SNTG1: variants seen among roughly 807,000 people sequenced by gnomAD.
SNTG1 encodes the protein syntrophin gamma 1, also known as gamma-1-syntrophin.
A neutral mutation model predicts 74.7 loss-of-function variants in SNTG1; 39 were observed. The observed-to-expected ratio is 0.52, with a 90% CI of 0.40 to 0.68. The LOEUF (loss-of-function observed/expected upper bound fraction) is 0.68, where lower values mean the gene tolerates loss of function less well. Among genes scored for constraint, SNTG1 ranks in the 30% least tolerant of loss-of-function variants. The pLI, the probability that SNTG1 is intolerant of heterozygous loss-of-function variation, is 0.00. For missense variants in SNTG1, 685 were observed against 609.5 expected (o/e 1.12, Z -1.30); for synonymous variants, 254 against 217.1 (o/e 1.17, Z -1.49).
intron 1 of SNTG1, among the ~76,000 whole-genome samples, chr8:50,113,281 AGTGGTCTGT>A (rs1231070179): frequency 6.6e-6 from 1 of 152,160 alleles, no homozygotes; most frequent in African/African-American, 2.4e-5. Flanking sequence ...TTTGTTGAGC[AGTGGTCTGT>A]AGTTCTCCTT....
chr8:50,269,161 C>A (rs2087644596), intron 2 of SNTG1, among the ~76,000 whole-genome samples: 1 of 152,048 alleles, frequency 6.6e-6, no homozygotes, highest in South Asian at 2.1e-4. Flanking sequence ...TCTTTGATAT[C>A]TAAAACTGGG....
chr8:50,307,045 A>G (rs2089928542), intron 2 of SNTG1, among the ~76,000 whole-genome samples: 1 of 152,036 alleles, frequency 6.6e-6, no homozygotes, highest in Non-Finnish European at 1.5e-5. Context: ...ATATTCCTGT[A>G]TATAGTTATT....
At chr8:50,661,581 C>T (rs1476328481) in intron 15 of SNTG1, among the ~76,000 whole-genome samples, 1 of 152,000 alleles carries the variant, frequency 6.6e-6, no homozygotes, top group Non-Finnish European at 1.5e-5. Context: ...ATGTGCAGAA[C>T]GTACAGTTTT....
intron 17 of SNTG1, among the ~76,000 whole-genome samples, chr8:50,713,457 G>A (rs2095467399): frequency 6.6e-6 from 1 of 152,060 alleles, no homozygotes; most frequent in African/African-American, 2.4e-5. Context: ...TAGGTTGCCT[G>A]TTCACTCTGA....
chr8:50,745,140 C>T (rs1321064996), intron 17 of SNTG1, among the ~76,000 whole-genome samples: 3 of 151,854 alleles, frequency 2.0e-5, no homozygotes, highest in Non-Finnish European at 4.4e-5. Context: ...AATGTATTTG[C>T]AAATCATATA....
intron 1 of SNTG1, among the ~76,000 whole-genome samples, chr8:50,014,788 TA>T (rs1193604662): frequency 2.0e-5 from 3 of 151,860 alleles, no homozygotes; most frequent in Admixed American, 6.6e-5. Flanking sequence ...AAAAGAACTT[TA>T]AAAAAATGTC....
intron 4 of SNTG1, among the ~76,000 whole-genome samples, chr8:50,406,881 G>A (rs539328786): frequency 6.6e-5 from 10 of 152,052 alleles, no homozygotes; most frequent in South Asian, 2.1e-4. Context: ...CCCCTGTCCC[G>A]GGAAGGAATT....
At chr8:50,118,977 A>G (rs1190482434) in intron 1 of SNTG1, among the ~76,000 whole-genome samples, 1 of 140,582 alleles carries the variant, frequency 7.1e-6, no homozygotes, top group Non-Finnish European at 1.6e-5. Flanking sequence ...ACCTCAAGAA[A>G]ATACGGCAGG....
At chr8:50,190,791 G>T (rs2083544735) in intron 2 of SNTG1, among the ~76,000 whole-genome samples, 1 of 152,090 alleles carries the variant, frequency 6.6e-6, no homozygotes, top group Non-Finnish European at 1.5e-5. Context: ...TTGGTCATTT[G>T]GGGGTGGATA....
chr8:50,738,157 A>T (rs1585677197), intron 17 of SNTG1, among the ~76,000 whole-genome samples: 1 of 152,098 alleles, frequency 6.6e-6, no homozygotes, highest in African/African-American at 2.4e-5. Flanking sequence ...TGTTTAGAAA[A>T]CCCCATCGTC....
At chr8:50,373,028 A>T (rs1377441652) in intron 2 of SNTG1, among the ~76,000 whole-genome samples, 1 of 152,190 alleles carries the variant, frequency 6.6e-6, no homozygotes, top group East Asian at 1.9e-4. Context: ...GCTATTCTGC[A>T]TGTATATAAC....
At chr8:50,474,610 C>T (rs982944486) in intron 8 of SNTG1, among the ~76,000 whole-genome samples, 8 of 152,176 alleles carry the variant, frequency 5.3e-5, no homozygotes, top group African/African-American at 1.7e-4. Flanking sequence ...GAAATAGGAA[C>T]ACTTTTACAC....
intron 12 of SNTG1, among the ~76,000 whole-genome samples, chr8:50,563,596 T>A (rs991437109): frequency 6.6e-6 from 1 of 152,282 alleles, no homozygotes; most frequent in East Asian, 1.9e-4. Flanking sequence ...TAAATTTTGT[T>A]TCTATAACTC....
At chr8:49,942,665 T>C (rs1808803451) in intron 1 of SNTG1, among the ~76,000 whole-genome samples, 1 of 152,172 alleles carries the variant, frequency 6.6e-6, no homozygotes, top group African/African-American at 2.4e-5. Context: ...TGAGGCATAA[T>C]TGTCAGATAT....
At chr8:50,155,460 GA>G (rs965428305) in intron 1 of SNTG1, among the ~76,000 whole-genome samples, 25 of 149,548 alleles carry the variant, frequency 1.7e-4, no homozygotes, top group African/African-American at 4.4e-4. Context: ...AACAGTTATA[GA>G]AAAAAAAATG....
At chr8:50,630,408 A>C (rs2094988717) in intron 13 of SNTG1, among the ~76,000 whole-genome samples, 1 of 152,156 alleles carries the variant, frequency 6.6e-6, no homozygotes. Flanking sequence ...AATTAATGCC[A>C]AGGGTTTTGG....
At chr8:50,215,479 C>CTA (rs1009957562) in intron 2 of SNTG1, among the ~76,000 whole-genome samples, 5 of 139,666 alleles carry the variant, frequency 3.6e-5, no homozygotes, top group African/African-American at 5.1e-5. Context: ...TATATATAGA[C>CTA]TATATATATA....
rs958857922 is a variant in SNTG1, at chr8:50,128,195, G to A, written c.-102-44366G>A. Among the ~76,000 whole-genome samples, 5 of 152,036 alleles carry A rather than the reference G, an allele frequency of 3.3e-5. No homozygotes were observed. The South Asian group carries it at 6.2e-4, about 19-fold the overall frequency. On this transcript the variant is annotated intron_variant, in intron 1 of 18. Transcript: ENST00000642720. ...GAAACTACTTGCTTATCCCAAGATC[G>A]GTACTTATGTTTTAATTCTATCTCC...
intron 2 of SNTG1, among the ~76,000 whole-genome samples, chr8:50,266,837 T>C (rs1032965234): frequency 3.9e-5 from 6 of 151,934 alleles, no homozygotes; most frequent in Non-Finnish European, 8.8e-5. Context: ...TACTCTTCAC[T>C]TTGGAAACTC....
Sources: gnomAD v4.1 joint callset for allele counts (sites outside exome capture counted in the v4.1 genomes callset) on GRCh38, gnomAD v4.1.1 for gene constraint, MANE v1.5 for transcripts, NCBI Gene and HGNC (gene_info 2026-07-23, HGNC 2026-07-21) for gene names.